Variants in LAT2 observed in about 807,000 individuals in gnomAD.
The protein encoded by LAT2 is linker for activation of T-cells family member 2.
Under a neutral mutation model 43.4 loss-of-function variants are expected in LAT2, and 23 were observed. That is an observed-to-expected ratio of 0.53 (90% CI 0.38 to 0.75). The LOEUF (loss-of-function observed/expected upper bound fraction) is 0.75, where lower values mean the gene tolerates loss of function less well. Ranked by LOEUF, LAT2 falls within the 30% of genes least tolerant of loss-of-function variation. LAT2 has a pLI of 0.00. For synonymous variants in LAT2, 128 were observed against 123.2 expected (o/e 1.04, Z -0.26); for missense variants, 284 against 310.2 (o/e 0.92, Z 0.64).
intron 2 of LAT2, 31 bp from the exon 3 acceptor site, chr7:74,215,916 G>T: frequency 3.3e-6 from 5 of 1,502,930 alleles, no homozygotes; most frequent in Non-Finnish European, 1.9e-6. Flanking sequence ...TGAAAAAGGG[G>T]CCCCTTGCTC....
At chr7:74,221,064 G>T (rs1332672541) in intron 9 of LAT2, among the ~76,000 whole-genome samples, 1 of 152,088 alleles carries the variant, frequency 6.6e-6, no homozygotes, top group African/African-American at 2.4e-5. Flanking sequence ...AGAATCCCTC[G>T]GGGGTGTTGC....
chr7:74,221,714 G>GTGGC (rs1396945818), intron 10 of LAT2, 22 bp downstream of exon 10: 1 of 1,606,716 alleles, frequency 6.2e-7, no homozygotes, highest in African/African-American at 1.3e-5. Context: ...GACAAAGCCG[G>GTGGC]AGGTGGAGGA....
chr7:74,225,207 A>C (rs957446065), intron 13 of LAT2: 3 of 156,926 alleles, frequency 1.9e-5, no homozygotes, highest in African/African-American at 7.2e-5. Flanking sequence ...AGCCTGGCCA[A>C]CATGGTGAAA....
chr7:74,224,331 C>A, intron 12 of LAT2, 134 bp downstream of exon 12: 1 of 1,014,916 alleles, frequency 9.9e-7, no homozygotes, highest in Non-Finnish European at 1.5e-6. Context: ...GGTGCAGGAG[C>A]AGCTGCAGAG....
intron 13 of LAT2, among the ~76,000 whole-genome samples, chr7:74,227,559 A>C (rs1277427656): frequency 6.6e-6 from 1 of 152,042 alleles, no homozygotes; most frequent in Non-Finnish European, 1.5e-5. Context: ...GGATGTTTCT[A>C]ATTCAATTTT....
rs529824282 is a variant in LAT2, at chr7:74,212,828, C to T, written c.-218-1994C>T. On this transcript the variant is annotated intron_variant, in intron 1 of 13. Coordinates refer to ENST00000460943, the MANE Select transcript of LAT2 (RefSeq NM_032464.3). The stretch of plus-strand genomic sequence containing the variant: ...GCAGAGCTTTCCTCGGACAACCTCC[C>T]GGGGTGACGTGGGTCGTGCCAGTCA... Among the ~76,000 whole-genome samples, 53 of 152,300 alleles carry T rather than the reference C, an allele frequency of 3.5e-4. 1 individual carries two copies. Among genetic ancestry groups the T allele is most frequent in the Admixed American group, 2.2e-3 (33 of 15,288 alleles).
At position 74,220,733 on chromosome 7, in the gene LAT2, A is replaced by G. The variant is rs201720579; in HGVS notation, c.331A>G (p.Ile111Val). ...CAGACACGGGTCGGAGGAAGCCTACATGTGAGTGACCTTGATCCTGTCCCC... is the reference window on the plus strand; with the variant it reads ...CAGACACGGGTCGGAGGAAGCCTACGTGTGAGTGACCTTGATCCTGTCCCC... ...GSRHGSEEAY[I>V]DPIAMEYYNW... is the part of the protein sequence containing the mutation. Residue 111 changes from isoleucine to valine, a missense_variant and splice_region_variant, in exon 9 of 14, where the codon ATA (isoleucine) becomes GTA (valine). By Grantham distance (29) the Ile-to-Val change is conservative (BLOSUM62 3). Transcript: ENST00000460943. The surrounding 1 kb of genome is among the most constrained non-coding windows in gnomAD (Gnocchi z 4.5). 3.8e-4 allele frequency: 599 copies of G among 1,592,476 alleles called. 1 individual carries two copies. In the East Asian group the frequency reaches 4.5e-3, roughly 12 times the overall value.
chr7:74,214,101 AATAT>A (rs528805643), intron 1 of LAT2, among the ~76,000 whole-genome samples: 2 of 89,540 alleles, frequency 2.2e-5, no homozygotes, highest in African/African-American at 1.2e-4. Context: ...AATATATATA[AATAT>A]ATATATGAAA....
In LAT2 at chr7:74,219,805, C is replaced by G. The variant is rs1554714808; in HGVS notation, c.178+18C>G. ...CTACTCCTGTGAGTCTCCAAGTGTC[C>G]CCGGGTTGGGCTCTGGGTTGGGGGT... On this transcript the variant is annotated intron_variant, in intron 5 of 13. Coordinates refer to ENST00000460943, the MANE Select transcript of LAT2 (RefSeq NM_032464.3). 1.2e-6 allele frequency: 2 copies of G among 1,613,876 alleles called. No individual in the cohort carries two copies. Among genetic ancestry groups the G allele is most frequent in the African/African-American group, 1.3e-5 (1 of 74,922 alleles).
In LAT2 at chr7:74,220,350, G is replaced by T; in HGVS notation, c.265+96G>T. ...GGACAGGCGTCGTGCAGTGGGGGCT[G>T]CGGGGCCAGGCGAGGCCTCCCCAGG... On this transcript the variant is annotated intron_variant, in intron 7 of 13. Coordinates refer to ENST00000460943, the MANE Select transcript of LAT2 (RefSeq NM_032464.3). This position sits in a 1 kb window ranked among gnomAD's most constrained non-coding sequence, Gnocchi z 4.5. The T allele has an allele frequency of 1.4e-6, 2 of 1,418,218 alleles. No individual in the cohort carries two copies. The highest frequency in any genetic ancestry group is 9.8e-7 in the Non-Finnish European group (1 of 1,024,886). The allele number at this position is 1,418,218 out of a possible 1,614,324, so 87.9% of individuals were successfully genotyped here.
intron 13 of LAT2, among the ~76,000 whole-genome samples, chr7:74,227,048 GTTTT>G (rs1348899108): frequency 1.4e-5 from 2 of 142,620 alleles, no homozygotes; most frequent in Non-Finnish European, 3.0e-5. Flanking sequence ...TAGAAAGGTT[GTTTT>G]TTCTTTTTTT....
chr7:74,221,809 G>T (rs1269507931), intron 10 of LAT2, 117 bp downstream of exon 10: 12 of 775,236 alleles, frequency 1.5e-5, no homozygotes, highest in Non-Finnish European at 2.5e-5. Context: ...GGCAGAGCCG[G>T]TTGGGTGGAC....
intron 13 of LAT2, among the ~76,000 whole-genome samples, chr7:74,228,439 G>A (rs1322376687): frequency 2.7e-5 from 4 of 149,902 alleles, no homozygotes; most frequent in Non-Finnish European, 5.9e-5. Context: ...TCACGCCACT[G>A]CACTCCAGCC....
At chr7:74,223,662 G>A (rs1276268024) in intron 10 of LAT2, 62 bp from the exon 11 acceptor site, 8 of 1,486,438 alleles carry the variant, frequency 5.4e-6, no homozygotes, top group South Asian at 1.1e-5. Context: ...CAGAGCGGGA[G>A]GATGAGCCAG....
chr7:74,227,613 A>C (rs1802538390), intron 13 of LAT2, among the ~76,000 whole-genome samples: 1 of 152,202 alleles, frequency 6.6e-6, no homozygotes, highest in Non-Finnish European at 1.5e-5. Flanking sequence ...GAGTGGGTAC[A>C]GGAAGCCCAG....
At chr7:74,227,011 G>A (rs567947217) in intron 13 of LAT2, among the ~76,000 whole-genome samples, 1 of 151,408 alleles carries the variant, frequency 6.6e-6, no homozygotes, top group South Asian at 2.1e-4. Context: ...GGGTTTTACT[G>A]CATGAGATGG....
At position 74,220,011 on chromosome 7, in the gene LAT2, A is replaced by G. The variant is rs1554714892; in HGVS notation, c.227+3A>G. The G allele has an allele frequency of 6.8e-6, 11 of 1,613,644 alleles. No homozygotes were observed. Among genetic ancestry groups the G allele is most frequent in the Non-Finnish European group, 9.3e-6 (11 of 1,179,910 alleles). ...CTGGCGGACATGGCACCCACAAGGTAGGTCACAGTCCCCCAGGAAGTGACA... is the reference window on the plus strand; with the variant it reads ...CTGGCGGACATGGCACCCACAAGGTGGGTCACAGTCCCCCAGGAAGTGACA... On this transcript the variant is annotated splice_donor_region_variant and intron_variant, in intron 6 of 13. Transcript: ENST00000460943. This position sits in a 1 kb window ranked among gnomAD's most constrained non-coding sequence, Gnocchi z 4.5.
intron 13 of LAT2, 25 bp downstream of exon 13, chr7:74,224,785 C>A: frequency 1.4e-6 from 2 of 1,474,972 alleles, no homozygotes; most frequent in South Asian, 2.6e-5. Context: ...CTCCAGCTGC[C>A]GTGGGCCAAG....
intron 10 of LAT2, 82 bp downstream of exon 10, chr7:74,221,774 G>A (rs575273652): frequency 2.1e-5 from 27 of 1,257,090 alleles, no homozygotes; most frequent in Admixed American, 3.8e-5. Context: ...CAGGAGAGGA[G>A]GCTGGGCCTG....
Sources: allele counts gnomAD v4.1 joint callset (sites outside exome capture counted in the v4.1 genomes callset), GRCh38; gene constraint gnomAD v4.1.1; non-coding constraint Gnocchi (gnomAD v3.1); transcripts MANE v1.5; gene names NCBI Gene and HGNC (gene_info 2026-07-23, HGNC 2026-07-21).